The following MAGI2 variants were observed in gnomAD, a reference collection of about 807,000 sequenced individuals.
The protein encoded by MAGI2 is membrane associated guanylate kinase, WW and PDZ domain containing 2.
MAGI2 carries 35 observed loss-of-function variants against 133.3 expected under a neutral mutation model. The observed-to-expected ratio is 0.26, with a 90% CI of 0.20 to 0.35. MAGI2 has a LOEUF of 0.35. Among genes scored for constraint, MAGI2 ranks in the 10% least tolerant of loss-of-function variants. MAGI2 has a pLI of 1.00. For missense variants in MAGI2, 1,636 were observed against 1,863.4 expected (o/e 0.88, Z 2.25); for synonymous variants, 729 against 710.6 (o/e 1.03, Z -0.41).
chr7:79,242,904 C>A (rs1832527532), intron 1 of MAGI2, among the ~76,000 whole-genome samples: 1 of 152,076 alleles, frequency 6.6e-6, no homozygotes, highest in African/African-American at 2.4e-5. Context: ...GAAATCTGCA[C>A]CTTGATTAAT....
chr7:78,437,127 G>A (rs981209445), intron 6 of MAGI2, among the ~76,000 whole-genome samples: 2 of 152,100 alleles, frequency 1.3e-5, no homozygotes, highest in Non-Finnish European at 2.9e-5. Context: ...TCCTGTTAGC[G>A]ACAGAAATGC....
chr7:78,020,231 C>T (rs1407804626), intron 21 of MAGI2, among the ~76,000 whole-genome samples: 2 of 152,174 alleles, frequency 1.3e-5, no homozygotes, highest in Non-Finnish European at 2.9e-5. Context: ...AACGCGAAGC[C>T]CAGGCCTAAT....
chr7:78,886,988 C>T (rs1796324058), intron 2 of MAGI2, among the ~76,000 whole-genome samples: 1 of 152,100 alleles, frequency 6.6e-6, no homozygotes, highest in Admixed American at 6.5e-5. Context: ...TCTCCCTTTG[C>T]TGGGCACTTC....
intron 3 of MAGI2, among the ~76,000 whole-genome samples, chr7:78,604,546 C>T (rs896528498): frequency 6.6e-6 from 1 of 152,058 alleles, no homozygotes; most frequent in South Asian, 2.1e-4. Context: ...CTCCCATGTG[C>T]CACACACTAC....
At chr7:78,788,482 A>G (rs76404974) in intron 2 of MAGI2, among the ~76,000 whole-genome samples, 1,541 of 151,852 alleles carry the variant, frequency 0.01, 24 homozygotes, top group African/African-American at 0.035. Flanking sequence ...AGATAATTTC[A>G]CAAATTCTCT....
chr7:78,938,332 A>G lies in MAGI2; in HGVS notation c.418+68758T>C, dbSNP rs192357881. On this transcript the variant is annotated intron_variant, in intron 2 of 21. Coordinates refer to ENST00000354212, the MANE Select transcript of MAGI2 (RefSeq NM_012301.4). ...GGAAAAGATATTATATAACGATTCA[A>G]AGTTGTGTTCTTGACAATGATAATG... Among the ~76,000 whole-genome samples, 15 of 152,228 alleles carry G rather than the reference A, an allele frequency of 9.9e-5. No homozygotes were observed. The East Asian group carries it at 2.9e-3, about 29-fold the overall frequency.
chr7:78,955,673 C>T (rs1461691304), intron 2 of MAGI2, among the ~76,000 whole-genome samples: 1 of 147,314 alleles, frequency 6.8e-6, no homozygotes, highest in East Asian at 2.0e-4. Flanking sequence ...TCTTTCCTTC[C>T]TTCCTCCCTC....
chr7:78,302,965 G>A (rs1797959345), intron 9 of MAGI2, among the ~76,000 whole-genome samples: 2 of 152,188 alleles, frequency 1.3e-5, no homozygotes, highest in African/African-American at 2.4e-5. Flanking sequence ...TGTGATGGAA[G>A]CTATGGCAAG....
intron 2 of MAGI2, among the ~76,000 whole-genome samples, chr7:78,690,034 G>A (rs561307167): frequency 6.6e-6 from 1 of 152,022 alleles, no homozygotes; most frequent in Non-Finnish European, 1.5e-5. Context: ...ATCATGTTTT[G>A]CAAGAGTTAT....
At chr7:78,102,043 G>C (rs1818254677) in intron 20 of MAGI2, among the ~76,000 whole-genome samples, 1 of 152,116 alleles carries the variant, frequency 6.6e-6, no homozygotes, top group Admixed American at 6.5e-5. Context: ...AGGAAATCCT[G>C]CCATTTGTGA....
At chr7:78,798,746 AC>A (rs1787823641) in intron 2 of MAGI2, among the ~76,000 whole-genome samples, 1 of 152,086 alleles carries the variant, frequency 6.6e-6, no homozygotes, top group African/African-American at 2.4e-5. Context: ...TCTGAGCTAT[AC>A]CCAGTAAAAT....
intron 1 of MAGI2, among the ~76,000 whole-genome samples, chr7:79,032,235 G>A (rs578022985): frequency 5.9e-5 from 9 of 152,176 alleles, no homozygotes; most frequent in African/African-American, 1.2e-4. Context: ...AGACCACAGG[G>A]GCCAGGCACG....
At chr7:78,180,448 A>G (rs1827083153) in intron 13 of MAGI2, among the ~76,000 whole-genome samples, 1 of 152,218 alleles carries the variant, frequency 6.6e-6, no homozygotes, top group Admixed American at 6.5e-5. Flanking sequence ...CTTTTGTCAG[A>G]GAATCTGTGA....
At chr7:78,532,195 T>C (rs921857872) in intron 3 of MAGI2, among the ~76,000 whole-genome samples, 4 of 152,156 alleles carry the variant, frequency 2.6e-5, no homozygotes, top group African/African-American at 9.7e-5. Context: ...ACCTCCAAAA[T>C]TCTGTAATGA....
chr7:78,070,564 A>ATATGTG (rs1266620724), intron 21 of MAGI2, among the ~76,000 whole-genome samples: 4 of 86,642 alleles, frequency 4.6e-5, no homozygotes, highest in South Asian at 3.6e-4. Context: ...ATATATGTAT[A>ATATGTG]TATATGTGTG....
At chr7:78,325,411 A>G (rs1380727210) in intron 9 of MAGI2, among the ~76,000 whole-genome samples, 1 of 152,194 alleles carries the variant, frequency 6.6e-6, no homozygotes, top group Non-Finnish European at 1.5e-5. Flanking sequence ...CTTAAGAGAT[A>G]TTAAAGCACC....
intron 2 of MAGI2, among the ~76,000 whole-genome samples, chr7:78,849,888 C>T (rs918682918): frequency 6.6e-6 from 1 of 151,938 alleles, no homozygotes; most frequent in South Asian, 2.1e-4. Context: ...CATGGAAATA[C>T]AATAATTTCT....
rs1484661129 is a variant in MAGI2 at position 79,350,731 on chromosome 7, ATTC to A, written c.301+102286_301+102288del. On this transcript the variant is annotated intron_variant, in intron 1 of 21. Coordinates refer to ENST00000354212, the MANE Select transcript of MAGI2 (RefSeq NM_012301.4). ...ATTCAAGGATATGGATTAAACAGTC[ATTC>A]TTCTTATTAAAATTTTGAATTTAGA... 3.9e-5 allele frequency among the ~76,000 whole-genome samples: 6 copies of A among 152,278 alleles called. No individual in the cohort carries two copies. In the East Asian group the frequency reaches 1.2e-3, roughly 29 times the overall value.
At chr7:79,242,727 G>C (rs848811) in intron 1 of MAGI2, among the ~76,000 whole-genome samples, 125,001 of 152,134 alleles carry the variant, frequency 0.82, 51,668 homozygotes, top group Non-Finnish European at 0.86. Flanking sequence ...CCTGATTTCT[G>C]TTTACATTGG....
Sources: allele counts gnomAD v4.1 joint callset (sites outside exome capture counted in the v4.1 genomes callset), GRCh38; gene constraint gnomAD v4.1.1; transcripts MANE v1.5; gene names NCBI Gene and HGNC (gene_info 2026-07-23, HGNC 2026-07-21).